The following OSBPL10 variants were observed in gnomAD, a reference collection of about 807,000 sequenced individuals.
OSBPL10 encodes the protein oxysterol binding protein like 10.
A neutral mutation model predicts 81.7 loss-of-function variants in OSBPL10; 49 were observed. The ratio of observed to expected loss-of-function variants is 0.60; its 90% CI spans 0.48 to 0.76. The LOEUF is 0.76. OSBPL10 is among the 30% of genes least tolerant of loss of function. The pLI is 0.00. For synonymous variants in OSBPL10, 419 were observed against 383.6 expected (o/e 1.09, Z -1.08); for missense variants, 923 against 987.8 (o/e 0.93, Z 0.88).
intron 1 of OSBPL10, among the ~76,000 whole-genome samples, chr3:32,058,671 T>G (rs953751660): frequency 2.6e-5 from 4 of 152,064 alleles, no homozygotes; most frequent in African/African-American, 9.7e-5. Context: ...TATGAATTGT[T>G]GTTGTTGTTT....
At chr3:31,947,397 G>A (rs1407436357) in intron 1 of OSBPL10, among the ~76,000 whole-genome samples, 1 of 152,114 alleles carries the variant, frequency 6.6e-6, no homozygotes, top group African/African-American at 2.4e-5. Flanking sequence ...CATCACTAAG[G>A]CTGAAAAATT....
chr3:31,720,408 C>T (rs1052434879), intron 6 of OSBPL10, among the ~76,000 whole-genome samples: 24 of 152,162 alleles, frequency 1.6e-4, no homozygotes, highest in Non-Finnish European at 2.5e-4. Flanking sequence ...AAAGGCTTCA[C>T]TGTGTATAAA....
chr3:31,906,635 T>C (rs1054986519), intron 1 of OSBPL10, among the ~76,000 whole-genome samples: 7 of 152,192 alleles, frequency 4.6e-5, no homozygotes, highest in Non-Finnish European at 8.8e-5. Context: ...ATTAGGTCCA[T>C]GTTGATGAAT....
At chr3:32,077,286 T>G (rs775299993) in intron 1 of OSBPL10, 1 of 152,180 alleles carries the variant, frequency 6.6e-6, no homozygotes. Flanking sequence ...TCATCTAAAC[T>G]CTGCTCTGAG....
rs1472158345 is a variant in OSBPL10 at position 32,066,286 on chromosome 3, C to T, written n.185+11110G>A. On this transcript the variant is annotated intron_variant and non_coding_transcript_variant, in intron 1 of 3. Transcript: ENST00000479173. ...ACCCTAGCCTGCCTTCAGCAATAAT[C>T]CTTTCAAGTCAGTTTAGCCAGAAAC... Among the ~76,000 whole-genome samples, 3 of 93,898 alleles carry T rather than the reference C, an allele frequency of 3.2e-5. 1 individual carries two copies. Among genetic ancestry groups the T allele is most frequent in the South Asian group, 4.2e-4 (1 of 2,398 alleles). The allele number at this position is 93,898 out of a possible 152,430, so 61.6% of individuals were successfully genotyped here. A position where few individuals can be genotyped will look rare whatever the true frequency, so the allele number is the denominator to read the frequency against.
At chr3:31,866,089 GA>G (rs926594318) in intron 3 of OSBPL10, among the ~76,000 whole-genome samples, 56 of 152,250 alleles carry the variant, frequency 3.7e-4, no homozygotes, top group African/African-American at 1.1e-3. Context: ...CCCAGGGCGG[GA>G]AAAAGTCAAG....
rs749584698 is a variant in OSBPL10 at position 31,876,414 on chromosome 3, C to A, written c.537+19G>T. The A allele has an allele frequency of 1.3e-6, 2 of 1,592,088 alleles. No homozygotes were observed. The highest frequency in any genetic ancestry group is 1.7e-6 in the Non-Finnish European group (2 of 1,159,982). On this transcript the variant is annotated intron_variant, in intron 3 of 11. Transcript: ENST00000396556. ...GGCTGGTTATTCGAATGCCTCCTTC[C>A]TTTCTCACGGTGACTTACCTTAGAA...
intron 4 of OSBPL10, among the ~76,000 whole-genome samples, chr3:31,792,147 C>G (rs905675561): frequency 1.3e-5 from 2 of 151,580 alleles, no homozygotes; most frequent in Non-Finnish European, 2.9e-5. Flanking sequence ...GTAAATCACT[C>G]GAGCTCACGC....
At chr3:31,911,189 G>A (rs963413696) in intron 1 of OSBPL10, among the ~76,000 whole-genome samples, 3 of 152,298 alleles carry the variant, frequency 2.0e-5, no homozygotes, top group African/African-American at 4.8e-5. Context: ...AGGGGAAAAA[G>A]TCAATATTTT....
At chr3:31,845,248 C>G (rs973838819) in intron 3 of OSBPL10, among the ~76,000 whole-genome samples, 1 of 152,184 alleles carries the variant, frequency 6.6e-6, no homozygotes, top group Admixed American at 6.5e-5. Flanking sequence ...GAAAGGGTTT[C>G]TCTTTATGCC....
intron 1 of OSBPL10, among the ~76,000 whole-genome samples, chr3:31,932,796 T>G (rs1697285511): frequency 6.6e-6 from 1 of 152,124 alleles, no homozygotes; most frequent in Non-Finnish European, 1.5e-5. Context: ...AGTTGTAACA[T>G]TTTATCCATA....
At chr3:32,032,317 A>G (rs888630891) in intron 2 of OSBPL10, among the ~76,000 whole-genome samples, 1 of 152,152 alleles carries the variant, frequency 6.6e-6, no homozygotes, top group Non-Finnish European at 1.5e-5. Context: ...CAGGAGGCTA[A>G]GGTGGGAGAA....
chr3:32,014,753 T>G (rs377740603), intron 2 of OSBPL10, among the ~76,000 whole-genome samples: 1 of 152,146 alleles, frequency 6.6e-6, no homozygotes, highest in Non-Finnish European at 1.5e-5. Flanking sequence ...CAAAGTCTCA[T>G]GATACAAAAT....
intron 1 of OSBPL10, among the ~76,000 whole-genome samples, chr3:31,952,855 G>C (rs1697906593): frequency 6.6e-6 from 1 of 152,112 alleles, no homozygotes; most frequent in African/African-American, 2.4e-5. Context: ...GTGGCTGTCG[G>C]GGAAGGGTCC....
chr3:31,716,293 C>T (rs1696430886), intron 6 of OSBPL10, among the ~76,000 whole-genome samples: 1 of 152,098 alleles, frequency 6.6e-6, no homozygotes, highest in East Asian at 1.9e-4. Flanking sequence ...ACAAATGTAT[C>T]ACTTTATATC....
chr3:31,947,459 C>A (rs1412244023), intron 1 of OSBPL10, among the ~76,000 whole-genome samples: 2 of 152,184 alleles, frequency 1.3e-5, no homozygotes, highest in African/African-American at 4.8e-5. Context: ...CTCTGCCTGC[C>A]TATAGCGAGT....
At chr3:31,841,853 GA>G (rs1348580630) in intron 3 of OSBPL10, among the ~76,000 whole-genome samples, 1 of 152,128 alleles carries the variant, frequency 6.6e-6, no homozygotes, top group Non-Finnish European at 1.5e-5. Flanking sequence ...ATAAAAGTAT[GA>G]AAATAATTGT....
chr3:31,678,055 T>C (rs1212011366), intron 8 of OSBPL10, among the ~76,000 whole-genome samples: 1 of 128,478 alleles, frequency 7.8e-6, no homozygotes, highest in Non-Finnish European at 1.5e-5. Context: ...CAGTCCGCAG[T>C]CCGGCCTGGG....
In OSBPL10 at chr3:31,877,745, C is replaced by T. The variant is rs147015960; in HGVS notation, c.458-1233G>A. On this transcript the variant is annotated intron_variant, in intron 2 of 11. Transcript: ENST00000396556. ...TCCTATTTAAGGCATGAAGATGGCC[C>T]CTACAAATCCCAAATGATTTGTCTG... 3.2e-3 allele frequency among the ~76,000 whole-genome samples: 492 copies of T among 152,202 alleles called. 3 individuals carry two copies. The highest frequency in any genetic ancestry group is 0.012 in the African/African-American group (485 of 41,516).
Sources: gnomAD v4.1 joint callset for allele counts (sites outside exome capture counted in the v4.1 genomes callset) on GRCh38, gnomAD v4.1.1 for gene constraint, MANE v1.5 for transcripts, NCBI Gene and HGNC (gene_info 2026-07-23, HGNC 2026-07-21) for gene names.